PATJ: variants seen among roughly 807,000 people sequenced by gnomAD.
The protein encoded by PATJ is inaD-like protein.
In PATJ, 190 loss-of-function variants were observed where a neutral mutation model predicts 224.9. That is an observed-to-expected ratio of 0.84 (90% CI 0.75 to 0.95). The LOEUF (loss-of-function observed/expected upper bound fraction) is 0.95. Ranked by LOEUF, PATJ falls within the 40% of genes least tolerant of loss-of-function variation. The pLI is 0.00. For synonymous variants in PATJ, 769 were observed against 820.3 expected (o/e 0.94, Z 1.07); for missense variants, 2,121 against 2,270.3 (o/e 0.93, Z 1.34).
chr1:62,130,830 G>A (rs137898851), intron 41 of PATJ, among the ~76,000 whole-genome samples: 1,558 of 152,204 alleles, frequency 0.01, 10 homozygotes, highest in Middle Eastern at 0.017. Context: ...CATCCTGGGC[G>A]ACAGAGCAAG....
intron 28 of PATJ, among the ~76,000 whole-genome samples, chr1:62,006,703 C>T (rs1646115172): frequency 6.6e-6 from 1 of 152,102 alleles, no homozygotes; most frequent in African/African-American, 2.4e-5. Context: ...AGATTGTCTT[C>T]CCCCACTACA....
chr1:61,874,949 T>G (rs1302156049), intron 20 of PATJ, among the ~76,000 whole-genome samples: 1 of 152,188 alleles, frequency 6.6e-6, no homozygotes, highest in Non-Finnish European at 1.5e-5. Context: ...ACTTGATAGA[T>G]CTTTTATTCC....
intron 14 of PATJ, among the ~76,000 whole-genome samples, chr1:61,810,074 T>A (rs1177981298): frequency 2.0e-5 from 3 of 151,848 alleles, no homozygotes; most frequent in African/African-American, 7.3e-5. Flanking sequence ...GGTCTCGAAC[T>A]CCTGACCTCA....
At chr1:61,835,280 T>C (rs1401453583) in intron 17 of PATJ, among the ~76,000 whole-genome samples, 2 of 152,058 alleles carry the variant, frequency 1.3e-5, no homozygotes, top group Non-Finnish European at 2.9e-5. Context: ...GCAGGGACTC[T>C]TTTTTTTCCT....
chr1:61,879,956 A>T (rs1408502467), intron 21 of PATJ, among the ~76,000 whole-genome samples: 1 of 151,852 alleles, frequency 6.6e-6, no homozygotes, highest in Non-Finnish European at 1.5e-5. Context: ...CTCCTGCCTC[A>T]GCCTCCTGAG....
intron 17 of PATJ, chr1:61,846,299 C>T (rs1661941460): frequency 6.6e-6 from 1 of 152,128 alleles, no homozygotes; most frequent in South Asian, 2.1e-4. Flanking sequence ...AACTTGATCA[C>T]TATCATTCGG....
intron 26 of PATJ, among the ~76,000 whole-genome samples, chr1:61,925,623 T>C (rs1675078974): frequency 6.6e-6 from 1 of 152,170 alleles, no homozygotes; most frequent in Admixed American, 6.5e-5. Context: ...GGCATCACAA[T>C]TTAATTGGTT....
chr1:62,036,145 G>A (rs778499677), intron 29 of PATJ, among the ~76,000 whole-genome samples: 4 of 152,118 alleles, frequency 2.6e-5, no homozygotes, highest in Admixed American at 6.5e-5. Flanking sequence ...GCCATAAGAA[G>A]GGGTTAGAAA....
intron 30 of PATJ, among the ~76,000 whole-genome samples, chr1:62,043,265 G>A (rs116395120): frequency 0.018 from 2,760 of 152,158 alleles, 97 homozygotes; most frequent in African/African-American, 0.062. Flanking sequence ...TATTTATAAG[G>A]GATTATGATG....
intron 22 of PATJ, among the ~76,000 whole-genome samples, chr1:61,897,681 A>G (rs1571178933): frequency 6.6e-6 from 1 of 152,226 alleles, no homozygotes; most frequent in African/African-American, 2.4e-5. Flanking sequence ...TTGGTTCCAT[A>G]TCACTGATCA....
chr1:61,911,731 A>AAGTCAGAT (rs1672687376), intron 25 of PATJ, among the ~76,000 whole-genome samples: 1 of 144,516 alleles, frequency 6.9e-6, no homozygotes, highest in African/African-American at 2.6e-5. Context: ...TATATATGAC[A>AAGTCAGAT]AGTCAGATAG....
At chr1:61,841,468 G>A (rs1296773370) in intron 17 of PATJ, among the ~76,000 whole-genome samples, 1 of 152,042 alleles carries the variant, frequency 6.6e-6, no homozygotes, top group East Asian at 1.9e-4. Context: ...AGTCAGGTAT[G>A]TAACCATATT....
At chr1:61,817,513 A>C (rs1171392975) in intron 14 of PATJ, among the ~76,000 whole-genome samples, 1 of 152,048 alleles carries the variant, frequency 6.6e-6, no homozygotes, top group East Asian at 1.9e-4. Flanking sequence ...AAAATACAAA[A>C]ATTAGCTGGG....
Position 62,161,031 on chromosome 1 carries a change from G to A in PATJ, c.5626G>A (p.Val1876Ile). 3 of 1,588,930 alleles carry A rather than the reference G, an allele frequency of 1.9e-6. No individual in the cohort carries two copies. The highest frequency in any genetic ancestry group is 2.3e-5 in the South Asian group (2 of 87,108). The change falls in exon 44 of 44, where the codon GTA becomes ATA. Residue 1876 changes from valine (V) to isoleucine (I), a missense_variant. By Grantham distance (29) the Val-to-Ile change is conservative (BLOSUM62 3). Transcript: ENST00000642238. ...VAILKHQRGT[V>I]TLTVLS ...CATTCTAAAACACCAGAGAGGGACT[G>A]TAACCTTAACTGTGCTGTCATGAGC... is the stretch of plus-strand genomic sequence containing the variant.
intron 30 of PATJ, among the ~76,000 whole-genome samples, chr1:62,042,100 A>G (rs1009144897): frequency 6.6e-6 from 1 of 152,254 alleles, no homozygotes; most frequent in African/African-American, 2.4e-5. Flanking sequence ...GAACATTATC[A>G]CGTATCTTAA....
intron 22 of PATJ, among the ~76,000 whole-genome samples, chr1:61,885,615 G>A (rs1371923981): frequency 6.6e-6 from 1 of 152,214 alleles, no homozygotes; most frequent in Non-Finnish European, 1.5e-5. Context: ...GGAAGTCAGT[G>A]TGGCGATTCC....
chr1:62,044,392 T>G (rs1366841187), intron 30 of PATJ, among the ~76,000 whole-genome samples: 1 of 152,194 alleles, frequency 6.6e-6, no homozygotes, highest in Non-Finnish European at 1.5e-5. Flanking sequence ...GTTGAAGGCA[T>G]TTTGAACAAT....
intron 37 of PATJ, among the ~76,000 whole-genome samples, chr1:62,120,039 AT>A (rs1305990974): frequency 1.3e-5 from 2 of 152,206 alleles, no homozygotes; most frequent in Non-Finnish European, 2.9e-5. Context: ...CTCAGTTCTG[AT>A]TAGTTATCTA....
At chr1:62,050,085 C>T (rs1015164308) in intron 30 of PATJ, among the ~76,000 whole-genome samples, 27 of 141,028 alleles carry the variant, frequency 1.9e-4, no homozygotes, top group African/African-American at 7.4e-4. Flanking sequence ...CACTGCACTG[C>T]AGCCTTGGCG....
Sources: allele counts gnomAD v4.1 joint callset (sites outside exome capture counted in the v4.1 genomes callset), GRCh38; gene constraint gnomAD v4.1.1; transcripts MANE v1.5; gene names NCBI Gene and HGNC (gene_info 2026-07-23, HGNC 2026-07-21).